GARRE1: variants seen among roughly 807,000 people sequenced by gnomAD.
GARRE1 encodes granule associated Rac and RHOG effector protein 1.
A neutral mutation model predicts 103.2 loss-of-function variants in GARRE1; 49 were observed. That is an observed-to-expected ratio of 0.47 (90% CI 0.38 to 0.60). GARRE1 has a LOEUF of 0.60. GARRE1 is among the 20% of genes least tolerant of loss of function. GARRE1 has a pLI of 0.00. For synonymous variants in GARRE1, 505 were observed against 532.8 expected (o/e 0.95, Z 0.72); for missense variants, 1,199 against 1,370.5 (o/e 0.87, Z 1.98).
At position 34,354,811 on chromosome 19, in the gene GARRE1, C is replaced by T. The variant is rs764694437; in HGVS notation, c.*1856C>T. 3 of 152,634 alleles carry T rather than the reference C, an allele frequency of 2.0e-5. No homozygotes were observed. Among genetic ancestry groups the T allele is most frequent in the Non-Finnish European group, 2.9e-5 (2 of 68,056 alleles). The allele number at this position is 152,634 out of a possible 1,614,324, so 9.5% of individuals were successfully genotyped here. On this transcript the variant is annotated 3_prime_UTR_variant, in exon 14 of 14. Coordinates refer to ENST00000299505, the MANE Select transcript of GARRE1 (RefSeq NM_014686.5). ...ACTGTGTTGTCAGGCTCTTCCCAGG[C>T]CTCAGGTGTTGTCTTTTGTGCTGTG... is the stretch of plus-strand genomic sequence containing the variant.
chr19:34,318,556 A>G (rs1568305080), intron 2 of GARRE1, among the ~76,000 whole-genome samples: 1 of 152,276 alleles, frequency 6.6e-6, no homozygotes, highest in Non-Finnish European at 1.5e-5. Flanking sequence ...TGCATAAGCC[A>G]AAGAAATATA....
intron 2 of GARRE1, among the ~76,000 whole-genome samples, chr19:34,315,121 G>T (rs2074054147): frequency 6.6e-6 from 1 of 152,166 alleles, no homozygotes; most frequent in Non-Finnish European, 1.5e-5. Flanking sequence ...ATAAATGGTT[G>T]TATGAGAGTT....
rs2074253993 is a variant in GARRE1 at position 34,353,738 on chromosome 19, G to A, written c.*783G>A. ...TGGACCAGCCAGCTGCTGTCCATGTGCAGAGCAAGGCTGCACCTGCTGCCC... is the reference window on the plus strand; with the variant it reads ...TGGACCAGCCAGCTGCTGTCCATGTACAGAGCAAGGCTGCACCTGCTGCCC... On this transcript the variant is annotated 3_prime_UTR_variant, in exon 14 of 14. Transcript: ENST00000299505. The A allele has an allele frequency of 6.6e-6, 1 of 152,224 alleles. No individual in the cohort carries two copies. Among genetic ancestry groups the A allele is most frequent in the African/African-American group, 2.4e-5 (1 of 41,454 alleles). 9.4% of individuals were successfully genotyped at this position (152,224 alleles called of 1,614,324 possible).
chr19:34,267,354 A>C (rs66839819), intron 1 of GARRE1, among the ~76,000 whole-genome samples: 65,227 of 151,998 alleles, frequency 0.43, 17,046 homozygotes, highest in Non-Finnish European at 0.59. Context: ...ATATGCCAGC[A>C]CACTGGGCTA....
chr19:34,287,829 T>C (rs1267027871), intron 1 of GARRE1, among the ~76,000 whole-genome samples: 1 of 152,174 alleles, frequency 6.6e-6, no homozygotes, highest in Non-Finnish European at 1.5e-5. Context: ...TCATTTATGA[T>C]GGCTGCACCC....
intron 12 of GARRE1, among the ~76,000 whole-genome samples, chr19:34,350,188 G>C (rs556468622): frequency 4.6e-5 from 7 of 152,342 alleles, no homozygotes; most frequent in African/African-American, 1.7e-4. Flanking sequence ...TGAGGCTTCT[G>C]ATGAGCAGAG....
intron 1 of GARRE1, chr19:34,296,152 C>CTT (rs5827899): frequency 0.25 from 69,638 of 277,810 alleles, 4,412 homozygotes; most frequent in Non-Finnish European, 0.32. Flanking sequence ...GGATCCCTCG[C>CTT]TTTTTTTTTT....
At chr19:34,254,649 T>C (rs1354822327) in intron 1 of GARRE1, 35 bp downstream of exon 1, 1 of 41,194 alleles carries the variant, frequency 2.4e-5, no homozygotes, top group Non-Finnish European at 5.3e-5. Flanking sequence ...AGGCGGGGGC[T>C]GGCGGGCGGG....
intron 2 of GARRE1, among the ~76,000 whole-genome samples, chr19:34,304,256 A>G (rs1262513333): frequency 6.6e-6 from 1 of 151,808 alleles, no homozygotes; most frequent in Non-Finnish European, 1.5e-5. Context: ...ACACCCAGCA[A>G]ATTTTTGTAT....
Position 34,328,111 on chromosome 19 carries a change from C to G in GARRE1, c.1064C>G (p.Ser355Cys). ...GGATCGCACTTCCTGAAGGGCGTCT[C>G]CTTTAATGAGTCGGCCGCCGACAAT... Reference protein sequence around the residue: ...QIGSHFLKGVSFNESAADNLK... With the variant: ...QIGSHFLKGVCFNESAADNLK... The change falls in exon 6 of 14, where the codon TCC (serine) becomes TGC (cysteine). Residue 355 changes from serine to cysteine, a missense_variant. By Grantham distance (112) the Ser-to-Cys change is moderately radical. Transcript: ENST00000299505. 1 of 1,614,152 alleles carries G rather than the reference C, an allele frequency of 6.2e-7. No individual in the cohort carries two copies. The highest frequency in any genetic ancestry group is 1.3e-5 in the African/African-American group (1 of 75,044).
Position 34,354,690 on chromosome 19 carries a change from GAA to G in GARRE1, c.*1736_*1737del, listed in dbSNP as rs2074261690. ...CCGTCTCAACAAGAAAAAAAAAAAAGAATATATATATATGTATGTATGTATGT... is the reference window on the plus strand; with the variant it reads ...CCGTCTCAACAAGAAAAAAAAAAAAGTATATATATATGTATGTATGTATGT... On this transcript the variant is annotated 3_prime_UTR_variant, in exon 14 of 14. Coordinates refer to ENST00000299505, the MANE Select transcript of GARRE1 (RefSeq NM_014686.5). 1 of 151,172 alleles carries G rather than the reference GAA, an allele frequency of 6.6e-6. No individual in the cohort carries two copies. The highest frequency in any genetic ancestry group is 2.4e-5 in the African/African-American group (1 of 41,146). The allele number at this position is 151,172 out of a possible 1,614,324, so 9.4% of individuals were successfully genotyped here. A position where few individuals can be genotyped will look rare whatever the true frequency, so the allele number is the denominator to read the frequency against.
chr19:34,349,109 C>T lies in GARRE1; in HGVS notation c.2781C>T (p.Ser927=), dbSNP rs773807479. The T allele has an allele frequency of 2.0e-5, 33 of 1,612,736 alleles. No homozygotes were observed. Among genetic ancestry groups the T allele is most frequent in the Non-Finnish European group, 2.8e-5 (33 of 1,179,996 alleles). Residue 927 remains serine, a synonymous_variant, in exon 12 of 14, where the codon TCC becomes TCT. Transcript: ENST00000299505. ...TSSANGDSLF[S]MFSGPDLVAA... ...CAGCCAACGGGGACAGCTTGTTCTC[C>T]ATGTTTTCAGGGCCTGACCTCGTTG...
Position 34,327,511 on chromosome 19 carries a change from C to A in GARRE1, c.796C>A (p.Pro266Thr), listed in dbSNP as rs979489908. ...QLFCSQSAAI[P>T]EHQLKELNIK... The stretch of plus-strand genomic sequence containing the variant: ...CTTTTGTTCTCAAAGTGCAGCAATT[C>A]CTGAGCACCAGCTAAAAGAACTGAA... Residue 266 changes from proline to threonine, a missense_variant, in exon 4 of 14, where the codon CCT becomes ACT. Coordinates refer to ENST00000299505, the MANE Select transcript of GARRE1 (RefSeq NM_014686.5). 29 of 1,614,064 alleles carry A rather than the reference C, an allele frequency of 1.8e-5. No individual in the cohort carries two copies. Among genetic ancestry groups the A allele is most frequent in the Non-Finnish European group, 2.1e-5 (25 of 1,180,002 alleles).
At chr19:34,347,369 C>T (rs1446561013) in intron 10 of GARRE1, among the ~76,000 whole-genome samples, 1 of 151,986 alleles carries the variant, frequency 6.6e-6, no homozygotes, top group Non-Finnish European at 1.5e-5. Context: ...GGATTACAGG[C>T]GTGAGCCACC....
At chr19:34,283,720 G>T (rs934421933) in intron 1 of GARRE1, among the ~76,000 whole-genome samples, 1 of 152,036 alleles carries the variant, frequency 6.6e-6, no homozygotes, top group African/African-American at 2.4e-5. Context: ...CTAAAGGGAA[G>T]TGCTTCAAGA....
intron 1 of GARRE1, among the ~76,000 whole-genome samples, chr19:34,290,599 A>C (rs984708159): frequency 1.3e-5 from 2 of 151,562 alleles, no homozygotes; most frequent in African/African-American, 2.4e-5. Flanking sequence ...CTGGGTTCAA[A>C]TGATGCTCCC....
intron 2 of GARRE1, among the ~76,000 whole-genome samples, chr19:34,311,273 T>G (rs1274578452): frequency 1.3e-5 from 2 of 152,220 alleles, no homozygotes; most frequent in Admixed American, 1.3e-4. Context: ...GGACTACACC[T>G]CTTAGTTCCT....
At chr19:34,266,422 C>T (rs1043368998) in intron 1 of GARRE1, among the ~76,000 whole-genome samples, 1 of 152,134 alleles carries the variant, frequency 6.6e-6, no homozygotes, top group Non-Finnish European at 1.5e-5. Flanking sequence ...AGTGCAGTGG[C>T]GCAATCTCGG....
At position 34,297,438 on chromosome 19, in the gene GARRE1, G is replaced by A. The variant is rs796136947; in HGVS notation, c.-795-2241G>A. On this transcript the variant is annotated intron_variant, in intron 1 of 13. Coordinates refer to ENST00000299505, the MANE Select transcript of GARRE1 (RefSeq NM_014686.5). Reference sequence around the variant, plus strand: ...TTAATGTTTGTGGTTTTTTAATTAGGTAAGCATATAGGTCTCACTTGGTCT... The same window carrying A: ...TTAATGTTTGTGGTTTTTTAATTAGATAAGCATATAGGTCTCACTTGGTCT... 2.2e-4 allele frequency among the ~76,000 whole-genome samples: 33 copies of A among 152,310 alleles called. 1 individual carries two copies. The highest frequency in any genetic ancestry group is 6.5e-4 in the African/African-American group (27 of 41,564).
Sources: allele counts gnomAD v4.1 joint callset (sites outside exome capture counted in the v4.1 genomes callset), GRCh38; gene constraint gnomAD v4.1.1; transcripts MANE v1.5; gene names NCBI Gene and HGNC (gene_info 2026-07-23, HGNC 2026-07-21).